Variants in JAK2 observed in about 807,000 individuals in gnomAD.
JAK2 encodes the protein Janus kinase 2, also known as tyrosine-protein kinase JAK2.
In JAK2, 86 loss-of-function variants were observed where a neutral mutation model predicts 139.3. That is an observed-to-expected ratio of 0.62 (90% CI 0.52 to 0.74). The LOEUF (loss-of-function observed/expected upper bound fraction) is 0.74, where lower values mean the gene tolerates loss of function less well. JAK2 is among the 30% of genes least tolerant of loss of function. JAK2 has a pLI of 0.00. For synonymous variants in JAK2, 490 were observed against 437.7 expected (o/e 1.12, Z -1.49); for missense variants, 1,421 against 1,360.3 (o/e 1.04, Z -0.70).
intron 6 of JAK2, among the ~76,000 whole-genome samples, chr9:5,051,682 A>G (rs1817425437): frequency 6.6e-6 from 1 of 152,184 alleles, no homozygotes; most frequent in Non-Finnish European, 1.5e-5. Context: ...TATGTATTTT[A>G]TATATTACAT....
chr9:5,118,127 C>G (rs1480558512), intron 22 of JAK2, among the ~76,000 whole-genome samples: 1 of 152,198 alleles, frequency 6.6e-6, no homozygotes, highest in Non-Finnish European at 1.5e-5. Context: ...CGCCACTGCA[C>G]TCCAGCCTGG....
intron 19 of JAK2, among the ~76,000 whole-genome samples, chr9:5,089,090 C>A (rs1322426178): frequency 1.3e-5 from 2 of 152,178 alleles, no homozygotes; most frequent in Non-Finnish European, 2.9e-5. Context: ...CTTATCTTGA[C>A]AATTAATGCT....
chr9:5,016,677 G>A (rs566415537), intron 2 of JAK2, among the ~76,000 whole-genome samples: 2 of 152,226 alleles, frequency 1.3e-5, no homozygotes, highest in South Asian at 4.2e-4. Context: ...AAGAAATAGA[G>A]TATCACCTGA....
At chr9:5,074,982 A>G (rs976698501) in intron 14 of JAK2, among the ~76,000 whole-genome samples, 3 of 152,206 alleles carry the variant, frequency 2.0e-5, no homozygotes, top group African/African-American at 4.8e-5. Flanking sequence ...AAGAAAGTGA[A>G]ACAGTCTTAT....
At chr9:5,024,778 A>G (rs2130103006) in intron 3 of JAK2, among the ~76,000 whole-genome samples, 1 of 152,308 alleles carries the variant, frequency 6.6e-6, no homozygotes, top group Non-Finnish European at 1.5e-5. Flanking sequence ...TCCTGAATTA[A>G]GTGGAACATA....
At chr9:5,049,007 C>G (rs887118293) in intron 5 of JAK2, among the ~76,000 whole-genome samples, 1 of 152,058 alleles carries the variant, frequency 6.6e-6, no homozygotes, top group African/African-American at 2.4e-5. Flanking sequence ...ATCTGTATTC[C>G]TAAATCCTCC....
chr9:5,113,047 G>C (rs1822773677), intron 22 of JAK2, among the ~76,000 whole-genome samples: 1 of 152,046 alleles, frequency 6.6e-6, no homozygotes, highest in African/African-American at 2.4e-5. Context: ...GGTGACGCTG[G>C]GTCCAGGAGC....
intron 19 of JAK2, chr9:5,086,162 C>G (rs980529886): frequency 5.4e-6 from 2 of 368,690 alleles, no homozygotes; most frequent in Admixed American, 1.2e-4. Context: ...GGGGAGCGGT[C>G]TCCACGCCGC....
At chr9:5,041,981 T>A in intron 4 of JAK2, 1 of 366,318 alleles carries the variant, frequency 2.7e-6, no homozygotes, top group Non-Finnish European at 5.3e-6. Flanking sequence ...GGAGCGAGCT[T>A]GTGTGAGGGC....
At chr9:5,105,319 G>C (rs1202392876) in intron 22 of JAK2, among the ~76,000 whole-genome samples, 1 of 152,100 alleles carries the variant, frequency 6.6e-6, no homozygotes, top group Non-Finnish European at 1.5e-5. Context: ...GCTACAAAGA[G>C]AATAAAATAC....
At position 5,029,909 on chromosome 9, in the gene JAK2, ACTTT is replaced by A. The variant is rs761542465; in HGVS notation, c.350+7_350+10del. On this transcript the variant is annotated splice_donor_5th_base_variant and intron_variant, in intron 4 of 24. Coordinates refer to ENST00000381652, the MANE Select transcript of JAK2 (RefSeq NM_004972.4). Reference sequence around the variant, plus strand: ...CATAATGTACTCTACAGAATAAGGTACTTTCTTCAGTAAAGTAACTCACTTAATG... The same window carrying A: ...CATAATGTACTCTACAGAATAAGGTACTTCAGTAAAGTAACTCACTTAATG... 5 of 1,577,156 alleles carry A rather than the reference ACTTT, an allele frequency of 3.2e-6. 1 individual carries two copies. The South Asian group carries it at 6.0e-5, about 19-fold the overall frequency.
chr9:5,040,816 C>T (rs1816433857), intron 4 of JAK2: 2 of 209,948 alleles, frequency 9.5e-6, no homozygotes, highest in South Asian at 5.6e-5. Flanking sequence ...GGAGCTGGAG[C>T]GGGGCCCGAG....
In JAK2 at chr9:5,037,512, G is replaced by GCAGCCATGA. The variant is rs1485146964; in HGVS notation, c.351-6891_351-6890insCAGCCATGA. Among the ~76,000 whole-genome samples, 3 of 152,188 alleles carry GCAGCCATGA rather than the reference G, an allele frequency of 2.0e-5. No individual in the cohort carries two copies. In the East Asian group the frequency reaches 5.8e-4, roughly 29 times the overall value. On this transcript the variant is annotated intron_variant, in intron 4 of 24. Coordinates refer to ENST00000381652, the MANE Select transcript of JAK2 (RefSeq NM_004972.4). ...GAAAATGTGGCACATATACACCATG[G>GCAGCCATGA]AATACTGTGCAGCCATGAAAAATGA...
At chr9:5,112,378 C>G (rs150795397) in intron 22 of JAK2, 6 of 416,410 alleles carry the variant, frequency 1.4e-5, no homozygotes, top group Non-Finnish European at 2.7e-5. Flanking sequence ...GAGCAGGCCA[C>G]TGGGGAAATC....
chr9:5,124,105 G>A (rs1823816818), intron 23 of JAK2, among the ~76,000 whole-genome samples: 1 of 151,570 alleles, frequency 6.6e-6, no homozygotes. Context: ...AATTCTGGAT[G>A]GTAGTTCCTT....
At chr9:5,111,407 G>A (rs1586817515) in intron 22 of JAK2, 1 of 404,140 alleles carries the variant, frequency 2.5e-6, no homozygotes, top group African/African-American at 2.1e-5. Flanking sequence ...CAGCGGCCTG[G>A]ACACGCAGCC....
chr9:5,127,136 A>G lies in JAK2; in HGVS notation c.*345A>G, dbSNP rs1395285840. 1 of 268,076 alleles carries G rather than the reference A, an allele frequency of 3.7e-6. No individual in the cohort carries two copies. The highest frequency in any genetic ancestry group is 2.2e-5 in the African/African-American group (1 of 45,578). 16.6% of individuals were successfully genotyped at this position (268,076 alleles called of 1,614,324 possible). A position where few individuals can be genotyped will look rare whatever the true frequency, so the allele number is the denominator to read the frequency against. ...TTATTATGTAAATTTTGCAATGTTA[A>G]AGATGCACAGAATATGTATGTATAG... On this transcript the variant is annotated 3_prime_UTR_variant, in exon 25 of 25. Transcript: ENST00000381652.
intron 22 of JAK2, chr9:5,113,892 G>T: frequency 4.5e-6 from 1 of 223,620 alleles, no homozygotes; most frequent in Admixed American, 5.3e-5. Context: ...AGATCTTACA[G>T]TCCTCCTGTG....
intron 2 of JAK2, among the ~76,000 whole-genome samples, chr9:5,018,061 T>C (rs1380694189): frequency 6.6e-6 from 1 of 152,230 alleles, no homozygotes; most frequent in East Asian, 1.9e-4. Context: ...CCATTCTCTA[T>C]CTTTTAAGTG....
Sources: allele counts gnomAD v4.1 joint callset (sites outside exome capture counted in the v4.1 genomes callset), GRCh38; gene constraint gnomAD v4.1.1; transcripts MANE v1.5; gene names NCBI Gene and HGNC (gene_info 2026-07-23, HGNC 2026-07-21).